The following CLGN variants were observed in gnomAD, a reference collection of about 807,000 sequenced individuals.
CLGN encodes the protein calmegin.
Under a neutral mutation model 79.1 loss-of-function variants are expected in CLGN, and 62 were observed. The ratio of observed to expected loss-of-function variants is 0.78; its 90% confidence interval spans 0.64 to 0.97. The LOEUF is 0.97. Ranked by LOEUF, CLGN falls within the 50% of genes least tolerant of loss-of-function variation. The pLI, the probability that CLGN is intolerant of heterozygous loss-of-function variation, is 0.00. For missense variants in CLGN, 647 were observed against 715.5 expected (o/e 0.90, Z 1.09); for synonymous variants, 225 against 224.7 (o/e 1.00, Z -0.01).
In CLGN at chr4:140,389,054, A is replaced by T; in HGVS notation, c.*170T>A. On this transcript the variant is annotated 3_prime_UTR_variant, in exon 15 of 15. Coordinates refer to ENST00000325617, the MANE Select transcript of CLGN (RefSeq NM_004362.3). ...AAATTCAAAGATGAGGTAACTTCAAAGTTGCTTCTTTTTCCTCTGAAATGA... is the reference window on the plus strand; with the variant it reads ...AAATTCAAAGATGAGGTAACTTCAATGTTGCTTCTTTTTCCTCTGAAATGA... 1 of 582,138 alleles carries T rather than the reference A, an allele frequency of 1.7e-6. No homozygotes were observed. The highest frequency in any genetic ancestry group is 2.3e-5 in the South Asian group (1 of 43,014). 36.1% of individuals were successfully genotyped at this position (582,138 alleles called of 1,614,324 possible). A position where few individuals can be genotyped will look rare whatever the true frequency, so the allele number is the denominator to read the frequency against.
chr4:140,391,193 A>G (rs1192936890), intron 13 of CLGN, among the ~76,000 whole-genome samples: 2 of 151,788 alleles, frequency 1.3e-5, no homozygotes, highest in Non-Finnish European at 3.0e-5. Context: ...AGCACGTCCT[A>G]GGAGCTATAT....
chr4:140,409,716 C>T (rs770601812), intron 4 of CLGN, 121 bp downstream of exon 4: 141 of 530,552 alleles, frequency 2.7e-4, no homozygotes, highest in Non-Finnish European at 4.3e-4. Flanking sequence ...AAAGACTGAA[C>T]ATTTTATTGT....
chr4:140,393,057 T>C (rs1055324212), intron 11 of CLGN, among the ~76,000 whole-genome samples: 1 of 152,116 alleles, frequency 6.6e-6, no homozygotes, highest in Non-Finnish European at 1.5e-5. Context: ...ATTCATTCTG[T>C]ACTCTGATCA....
chr4:140,426,633 G>A (rs980421792), intron 1 of CLGN: 36 of 152,246 alleles, frequency 2.4e-4, no homozygotes, highest in African/African-American at 8.7e-4. Flanking sequence ...CTGCTTTTAA[G>A]CAACAAAAAG....
At chr4:140,425,773 C>T (rs1295706184) in intron 1 of CLGN, among the ~76,000 whole-genome samples, 1 of 151,500 alleles carries the variant, frequency 6.6e-6, no homozygotes, top group Non-Finnish European at 1.5e-5. Context: ...GGATTATAGG[C>T]GCGCGCCACT....
At chr4:140,393,394 G>A (rs141841243) in intron 11 of CLGN, among the ~76,000 whole-genome samples, 1 of 151,964 alleles carries the variant, frequency 6.6e-6, no homozygotes, top group Non-Finnish European at 1.5e-5. Flanking sequence ...CAGTGTTAAG[G>A]TTTCGGGAAA....
chr4:140,407,967 T>C (rs1370591467), intron 4 of CLGN, among the ~76,000 whole-genome samples: 1 of 152,076 alleles, frequency 6.6e-6, no homozygotes, highest in Non-Finnish European at 1.5e-5. Context: ...AGCATGGTAA[T>C]GGTCTCAGGT....
chr4:140,393,808 T>A lies in CLGN; in HGVS notation c.1365+18A>T. The A allele has an allele frequency of 6.2e-7, 1 of 1,605,086 alleles. No homozygotes were observed. Among genetic ancestry groups the A allele is most frequent in the South Asian group, 1.1e-5 (1 of 90,672 alleles). On this transcript the variant is annotated intron_variant, in intron 11 of 14. Transcript: ENST00000325617. ...TTATTCATAGTTATATCACTACTGC[T>A]ATTGGTCAACACCATACCTTATTAG...
intron 1 of CLGN, among the ~76,000 whole-genome samples, chr4:140,415,256 G>A (rs1729305560): frequency 6.6e-6 from 1 of 152,132 alleles, no homozygotes; most frequent in Non-Finnish European, 1.5e-5. Context: ...ATGCCAAAAT[G>A]TAAAGACCAT....
chr4:140,406,541 A>T (rs1177894334), intron 4 of CLGN, among the ~76,000 whole-genome samples: 2 of 152,238 alleles, frequency 1.3e-5, no homozygotes, highest in Non-Finnish European at 2.9e-5. Context: ...TCTTACTTGC[A>T]GCAGTTATTG....
intron 1 of CLGN, among the ~76,000 whole-genome samples, chr4:140,416,105 G>A (rs1344418689): frequency 6.4e-4 from 39 of 60,664 alleles, no homozygotes; most frequent in Non-Finnish European, 9.0e-4. Context: ...ATGACTACTG[G>A]GTACATAACG....
chr4:140,396,930 T>TATAC (rs1728902785), intron 8 of CLGN, among the ~76,000 whole-genome samples: 1 of 141,938 alleles, frequency 7.0e-6, no homozygotes, highest in Non-Finnish European at 1.5e-5. Flanking sequence ...TATACACATA[T>TATAC]ATATATATAC....
intron 8 of CLGN, among the ~76,000 whole-genome samples, chr4:140,396,898 T>C (rs56288651): frequency 0.033 from 1,980 of 60,066 alleles, 46 homozygotes; most frequent in African/African-American, 0.088. Context: ...TATGTATATA[T>C]ATATATATGT....
intron 8 of CLGN, among the ~76,000 whole-genome samples, chr4:140,396,761 T>A (rs1224953754): frequency 2.0e-5 from 3 of 150,708 alleles, no homozygotes; most frequent in African/African-American, 7.3e-5. Context: ...TTTCACTATG[T>A]TGGCCAGGTT....
At chr4:140,389,822 T>C (rs1009924883) in intron 14 of CLGN, among the ~76,000 whole-genome samples, 3 of 151,768 alleles carry the variant, frequency 2.0e-5, no homozygotes, top group Non-Finnish European at 4.4e-5. Flanking sequence ...AATTGCAAAT[T>C]TATTTGGAGG....
chr4:140,396,156 C>T lies in CLGN; in HGVS notation c.934G>A (p.Ala312Thr). 6.2e-7 allele frequency: 1 copy of T among 1,614,178 alleles called. No individual in the cohort carries two copies. The highest frequency in any genetic ancestry group is 1.7e-5 in the Admixed American group (1 of 60,024). The change falls in exon 9 of 15, where the codon GCT (alanine) becomes ACT (threonine). Residue 312 changes from alanine to threonine, a missense_variant. Coordinates refer to ENST00000325617, the MANE Select transcript of CLGN (RefSeq NM_004362.3). ...QIEDSSVVKP[A>T]GWLDDEPKFI... ...TTTGGTTCATCATCAAGCCAGCCAG[C>T]AGGTTTAACAACACTTGAATCTTCT...
Position 140,410,612 on chromosome 4 carries a change from T to C in CLGN, c.159A>G (p.Thr53=). 6.3e-7 allele frequency: 1 copy of C among 1,586,950 alleles called. No homozygotes were observed. Among genetic ancestry groups the C allele is most frequent in the Non-Finnish European group, 8.6e-7 (1 of 1,157,304 alleles). ...SELSSEIKYK[T]PQPIGEVYFA... Reference sequence around the variant, plus strand: ...AATATACTTCTCCTATAGGTTGAGGTGTCTTATATTTAATCTAGAAAAGAG... The same window carrying C: ...AATATACTTCTCCTATAGGTTGAGGCGTCTTATATTTAATCTAGAAAAGAG... The change falls in exon 3 of 15, where the codon ACA becomes ACG. Residue 53 remains threonine, a synonymous_variant. Transcript: ENST00000325617.
chr4:140,404,403 A>G (rs1412839751), intron 5 of CLGN, among the ~76,000 whole-genome samples: 2 of 152,012 alleles, frequency 1.3e-5, no homozygotes, highest in African/African-American at 4.8e-5. Context: ...TTTACTTCCT[A>G]CGTTTTGAGT....
intron 1 of CLGN, among the ~76,000 whole-genome samples, chr4:140,413,507 C>G (rs563911182): frequency 6.6e-6 from 1 of 152,166 alleles, no homozygotes; most frequent in Non-Finnish European, 1.5e-5. Context: ...GTGCACCGTG[C>G]GTGAGCCGAA....
Sources: allele counts gnomAD v4.1 joint callset (sites outside exome capture counted in the v4.1 genomes callset), GRCh38; gene constraint gnomAD v4.1.1; transcripts MANE v1.5; gene names NCBI Gene and HGNC (gene_info 2026-07-23, HGNC 2026-07-21).